ADAP2: variants seen among roughly 807,000 people sequenced by gnomAD.
The protein encoded by ADAP2 is arf-GAP with dual PH domain-containing protein 2.
ADAP2 carries 42 observed loss-of-function variants against 54.9 expected under a neutral mutation model. The observed-to-expected ratio is 0.77, with a 90% confidence interval of 0.60 to 0.99. ADAP2 has a LOEUF of 0.99. Among genes scored for constraint, ADAP2 ranks in the 50% least tolerant of loss-of-function variants. ADAP2 has a pLI of 0.00. For missense variants in ADAP2, 429 were observed against 480.4 expected (o/e 0.89, Z 1.00); for synonymous variants, 177 against 180.1 (o/e 0.98, Z 0.14).
chr17:30,954,524 A>G lies in ADAP2; in HGVS notation c.851A>G (p.Glu284Gly), dbSNP rs748501963. 4.3e-6 allele frequency: 7 copies of G among 1,614,156 alleles called. No individual in the cohort carries two copies. Among genetic ancestry groups the G allele is most frequent in the Non-Finnish European group, 5.9e-6 (7 of 1,180,014 alleles). Reference sequence around the variant, plus strand: ...AGGTGGTTCGCCCTGGATTGCCATGAGCGGAGGCTGCTCTATTACAAGAAC... The same window carrying G: ...AGGTGGTTCGCCCTGGATTGCCATGGGCGGAGGCTGCTCTATTACAAGAAC... ...KKRWFALDCH[E>G]RRLLYYKNPL... Residue 284 changes from glutamate to glycine, a missense_variant, in exon 9 of 11, where the codon GAG (glutamate) becomes GGG (glycine). Coordinates refer to ENST00000330889, the MANE Select transcript of ADAP2 (RefSeq NM_018404.3).
At chr17:30,928,396 T>C (rs1441901540) in intron 3 of ADAP2, among the ~76,000 whole-genome samples, 2 of 151,280 alleles carry the variant, frequency 1.3e-5, no homozygotes, top group African/African-American at 4.9e-5. Context: ...CTCGAGAGGC[T>C]GAGGGAGGAG....
intron 5 of ADAP2, 46 bp from the exon 6 acceptor site, chr17:30,944,861 C>A: frequency 6.3e-7 from 1 of 1,591,494 alleles, no homozygotes; most frequent in Non-Finnish European, 8.5e-7. Flanking sequence ...GACCAGAAGT[C>A]ACCCTGTGGA....
intron 6 of ADAP2, among the ~76,000 whole-genome samples, chr17:30,948,393 T>C (rs2142572630): frequency 1.3e-5 from 2 of 148,344 alleles, no homozygotes; most frequent in East Asian, 3.9e-4. Flanking sequence ...TGAAACCCTG[T>C]CACTACTAAA....
chr17:30,940,445 C>T (rs1168730093), intron 5 of ADAP2, among the ~76,000 whole-genome samples: 1 of 152,112 alleles, frequency 6.6e-6, no homozygotes, highest in African/African-American at 2.4e-5. Flanking sequence ...GCTGGGATTA[C>T]AGGCGTTGGC....
At chr17:30,942,125 C>G (rs745465078) in intron 5 of ADAP2, among the ~76,000 whole-genome samples, 6 of 152,074 alleles carry the variant, frequency 3.9e-5, no homozygotes, top group Non-Finnish European at 8.8e-5. Context: ...AGGATGGTCT[C>G]GATCTCTCAA....
At chr17:30,956,679 GC>G in intron 10 of ADAP2, 2 of 592,552 alleles carry the variant, frequency 3.4e-6, no homozygotes, top group Non-Finnish European at 5.9e-6. Flanking sequence ...CCCTAACCGA[GC>G]CCTTCCCCAG....
intron 4 of ADAP2, among the ~76,000 whole-genome samples, chr17:30,932,216 A>G (rs192678504): frequency 8.4e-4 from 125 of 148,116 alleles, no homozygotes; most frequent in African/African-American, 2.9e-3. Context: ...CAGGGTCACA[A>G]GTGTGTACAG....
chr17:30,954,641 A>G, intron 9 of ADAP2, 86 bp downstream of exon 9: 2 of 1,150,154 alleles, frequency 1.7e-6, no homozygotes, highest in South Asian at 2.5e-5. Context: ...AGCTACAGAT[A>G]AACACATCTC....
chr17:30,936,417 C>G (rs546435919), intron 5 of ADAP2, among the ~76,000 whole-genome samples: 1 of 152,222 alleles, frequency 6.6e-6, no homozygotes, highest in Non-Finnish European at 1.5e-5. Flanking sequence ...TCTGCCTCAG[C>G]CTCCCAAAGT....
intron 2 of ADAP2, among the ~76,000 whole-genome samples, chr17:30,925,534 TCTTCTTC>T (rs934263675): frequency 2.9e-4 from 44 of 149,934 alleles, no homozygotes; most frequent in African/African-American, 9.7e-4. Flanking sequence ...CTCCTCTTCT[TCTTCTTC>T]CTTCTTCCTT....
At chr17:30,937,401 T>C (rs1911970461) in intron 5 of ADAP2, among the ~76,000 whole-genome samples, 1 of 152,056 alleles carries the variant, frequency 6.6e-6, no homozygotes, top group Non-Finnish European at 1.5e-5. Flanking sequence ...TTTGTATTTT[T>C]AGTAGAGACA....
At chr17:30,935,642 A>C (rs1415727069) in intron 5 of ADAP2, among the ~76,000 whole-genome samples, 1 of 152,178 alleles carries the variant, frequency 6.6e-6, no homozygotes, top group African/African-American at 2.4e-5. Flanking sequence ...TCCCTTTAAG[A>C]GGGTGCAGCC....
rs754261924 is a variant in ADAP2, at chr17:30,944,908, G to A, written c.512G>A (p.Gly171Asp). 7.4e-6 allele frequency: 12 copies of A among 1,613,572 alleles called. No individual in the cohort carries two copies. In the East Asian group the frequency reaches 2.0e-4, roughly 27 times the overall value. ...TTTCTTTCTCTTTCTCTCTTTCAGGGTAAAAGCCCCAAAGCTGTCATCAGC... is the reference window on the plus strand; with the variant it reads ...TTTCTTTCTCTTTCTCTCTTTCAGGATAAAAGCCCCAAAGCTGTCATCAGC... ...GLLKYFTKEQ[G>D]KSPKAVISIK... Residue 171 changes from glycine to aspartate, a missense_variant and splice_region_variant, in exon 6 of 11, where the codon GGT becomes GAT. Transcript: ENST00000330889.
rs893873825 is a variant in ADAP2 at position 30,951,380 on chromosome 17, G to A, written c.742-1908G>A. On this transcript the variant is annotated intron_variant, in intron 7 of 10. Transcript: ENST00000330889. ...CTTGCTCTGTGCTGGCTCAAATTCCGAATATTGAGCAGTTCGGGACTCCAT... is the reference window on the plus strand; with the variant it reads ...CTTGCTCTGTGCTGGCTCAAATTCCAAATATTGAGCAGTTCGGGACTCCAT... Among the ~76,000 whole-genome samples the A allele has an allele frequency of 6.6e-5, 10 of 152,024 alleles. No individual in the cohort carries two copies. The East Asian group carries it at 9.6e-4, about 15-fold the overall frequency.
intron 4 of ADAP2, among the ~76,000 whole-genome samples, chr17:30,933,085 A>G (rs1434360894): frequency 3.9e-5 from 6 of 152,164 alleles, no homozygotes; most frequent in Admixed American, 3.3e-4. Flanking sequence ...CCTGAGTCCA[A>G]GCTGACTCTG....
At position 30,958,706 on chromosome 17, in the gene ADAP2, A is replaced by G. The variant is rs562655951; in HGVS notation, c.*837A>G. The G allele has an allele frequency of 2.0e-5, 3 of 152,438 alleles. No homozygotes were observed. The highest frequency in any genetic ancestry group is 6.5e-5 in the Admixed American group (1 of 15,292). 9.4% of individuals were successfully genotyped at this position (152,438 alleles called of 1,614,324 possible). A position where few individuals can be genotyped will look rare whatever the true frequency, so the allele number is the denominator to read the frequency against. ...GGAGTTCGAGAAGAGCCTGGGCAACATAGTGAGACCCCATCTCTACAAAGA... is the reference window on the plus strand; with the variant it reads ...GGAGTTCGAGAAGAGCCTGGGCAACGTAGTGAGACCCCATCTCTACAAAGA... On this transcript the variant is annotated 3_prime_UTR_variant, in exon 11 of 11. Transcript: ENST00000330889.
In ADAP2 at chr17:30,957,735, C is replaced by G. The variant is rs775335352; in HGVS notation, c.1112-100C>G. The G allele has an allele frequency of 2.9e-4, 358 of 1,214,428 alleles. 2 individuals carry two copies. The highest frequency in any genetic ancestry group is 3.8e-4 in the Non-Finnish European group (320 of 835,282). The allele number at this position is 1,214,428 out of a possible 1,614,324, so 75.2% of individuals were successfully genotyped here. On this transcript the variant is annotated intron_variant, in intron 10 of 10. Coordinates refer to ENST00000330889, the MANE Select transcript of ADAP2 (RefSeq NM_018404.3). Reference sequence around the variant, plus strand: ...CATGAGCCACTGTGCCCGGCCATGGCTCCCTCTGTCTTTGTACGCCTGTCC... The same window carrying G: ...CATGAGCCACTGTGCCCGGCCATGGGTCCCTCTGTCTTTGTACGCCTGTCC...
rs764157780 is a variant in ADAP2, at chr17:30,957,815, C to A, written c.1112-20C>A. ...CATTGGCATGGCCACCTCCCTCAGC[C>A]CTCTTCATTTCCCTTGCAGCTGCAT... is the stretch of plus-strand genomic sequence containing the variant. On this transcript the variant is annotated intron_variant, in intron 10 of 10. Coordinates refer to ENST00000330889, the MANE Select transcript of ADAP2 (RefSeq NM_018404.3). The A allele has an allele frequency of 6.2e-7, 1 of 1,613,642 alleles. No individual in the cohort carries two copies. Among genetic ancestry groups the A allele is most frequent in the Admixed American group, 1.7e-5 (1 of 59,972 alleles).
At chr17:30,939,433 GAA>G (rs77911489) in intron 5 of ADAP2, among the ~76,000 whole-genome samples, 12 of 90,666 alleles carry the variant, frequency 1.3e-4, no homozygotes, top group Admixed American at 3.6e-4. Flanking sequence ...AAGTGAAACT[GAA>G]AAAAAAAAAA....
Sources: allele counts gnomAD v4.1 joint callset (sites outside exome capture counted in the v4.1 genomes callset), GRCh38; gene constraint gnomAD v4.1.1; transcripts MANE v1.5; gene names NCBI Gene and HGNC (gene_info 2026-07-23, HGNC 2026-07-21).